Variants in STRADB observed in about 807,000 individuals in gnomAD.
STRADB encodes STE20-related kinase adapter protein beta.
A neutral mutation model predicts 52.1 loss-of-function variants in STRADB; 34 were observed. The ratio of observed to expected loss-of-function variants is 0.65; its 90% CI spans 0.50 to 0.87. The LOEUF is 0.87. STRADB is among the 40% of genes least tolerant of loss of function. The probability of loss-of-function intolerance (pLI) is 0.00; values close to 1 mark genes in which losing one functional copy is unlikely to be tolerated. For synonymous variants in STRADB, 133 were observed against 174.5 expected, an observed-to-expected ratio of 0.76 and a Z score of 1.87; for missense variants, 340 against 483.9, an observed-to-expected ratio of 0.70 and a Z score of 2.79.
intron 2 of STRADB, 103 bp from the exon 3 acceptor site, chr2:201,458,681 C>A: frequency 1.0e-6 from 1 of 962,600 alleles, no homozygotes; most frequent in African/African-American, 1.7e-5. Context: ...TGCCCTTCCT[C>A]TCTTTTCCCC....
chr2:201,474,072 AGTAGAGACGGGGTTTCACC>A (rs1007157766), intron 5 of STRADB, among the ~76,000 whole-genome samples: 1 of 151,878 alleles, frequency 6.6e-6, no homozygotes, highest in African/African-American at 2.4e-5. Flanking sequence ...TTGTATTTTT[AGTAGAGACGGGGTTTCACC>A]GTGTTAGCCA....
intron 3 of STRADB, among the ~76,000 whole-genome samples, chr2:201,468,050 G>T (rs1952330035): frequency 2.9e-5 from 3 of 103,300 alleles, no homozygotes; most frequent in East Asian, 2.6e-4. Context: ...TTTTCTAGCT[G>T]TTCAGGATGA....
At chr2:201,465,572 A>G (rs772712873) in intron 3 of STRADB, among the ~76,000 whole-genome samples, 1 of 152,236 alleles carries the variant, frequency 6.6e-6, no homozygotes, top group Non-Finnish European at 1.5e-5. Flanking sequence ...GGGTTGGAAT[A>G]GGAGTGACAG....
At chr2:201,465,418 C>T (rs1211806820) in intron 3 of STRADB, among the ~76,000 whole-genome samples, 2 of 152,110 alleles carry the variant, frequency 1.3e-5, no homozygotes, top group Non-Finnish European at 2.9e-5. Context: ...GAATGGGGGC[C>T]TCAGGACTCT....
At chr2:201,470,311 G>A (rs1952369665) in intron 4 of STRADB, among the ~76,000 whole-genome samples, 1 of 152,196 alleles carries the variant, frequency 6.6e-6, no homozygotes, top group African/African-American at 2.4e-5. Context: ...CTTATTATTT[G>A]TGTGTTTATT....
At chr2:201,475,829 T>C in intron 7 of STRADB, 87 bp downstream of exon 7, 1 of 1,393,326 alleles carries the variant, frequency 7.2e-7, no homozygotes, top group African/African-American at 1.5e-5. Context: ...AGTTGAATAT[T>C]AGAAAAAAGG....
intron 4 of STRADB, 166 bp from the exon 5 acceptor site, chr2:201,472,789 A>C (rs929529799): frequency 1.4e-5 from 8 of 561,874 alleles, no homozygotes; most frequent in African/African-American, 1.2e-4. Context: ...CTGTTTTTTA[A>C]TTGGATTGCT....
rs1480946340 is a variant in STRADB, at chr2:201,478,673, C to T, written c.1070+72C>T. The T allele has an allele frequency of 5.3e-6, 8 of 1,499,208 alleles. No homozygotes were observed. The African/African-American group carries it at 1.1e-4, about 21-fold the overall frequency. 92.9% of individuals were successfully genotyped at this position (1,499,208 alleles called of 1,614,324 possible). A position where few individuals can be genotyped will look rare whatever the true frequency, so the allele number is the denominator to read the frequency against. Reference sequence around the variant, plus strand: ...TTTTATAGAAGCTTTGTAACATTGCCCTTCCAGGAGAATACAAATCTTTTG... The same window carrying T: ...TTTTATAGAAGCTTTGTAACATTGCTCTTCCAGGAGAATACAAATCTTTTG... On this transcript the variant is annotated intron_variant, in intron 10 of 11. Transcript: ENST00000194530.
At chr2:201,475,886 G>T (rs1046744647) in intron 7 of STRADB, 144 bp downstream of exon 7, 10 of 842,310 alleles carry the variant, frequency 1.2e-5, no homozygotes, top group Non-Finnish European at 1.8e-6. Context: ...GGACCATTAG[G>T]TGCAGTGGAT....
At chr2:201,471,901 T>C (rs1406239025) in intron 4 of STRADB, among the ~76,000 whole-genome samples, 4 of 152,166 alleles carry the variant, frequency 2.6e-5, no homozygotes, top group African/African-American at 9.7e-5. Context: ...AGTCACTGCA[T>C]ACATCCAGGG....
chr2:201,464,683 C>A (rs1387319135), intron 3 of STRADB, among the ~76,000 whole-genome samples: 1 of 152,344 alleles, frequency 6.6e-6, no homozygotes, highest in East Asian at 1.9e-4. Context: ...GGGCAGTGAG[C>A]TCCCCACCTG....
intron 5 of STRADB, among the ~76,000 whole-genome samples, chr2:201,473,950 G>A (rs1952431749): frequency 6.7e-6 from 1 of 150,194 alleles, no homozygotes; most frequent in Non-Finnish European, 1.5e-5. Context: ...GAGTGCAGTG[G>A]CGCGATCTTG....
At chr2:201,473,548 A>G (rs897117308) in intron 5 of STRADB, among the ~76,000 whole-genome samples, 4 of 152,220 alleles carry the variant, frequency 2.6e-5, no homozygotes, top group Non-Finnish European at 5.9e-5. Context: ...ATTAACATGC[A>G]GTTACAGAAT....
chr2:201,454,611 CCTT>C (rs1952100048), intron 1 of STRADB, 132 bp from the exon 2 acceptor site: 1 of 395,452 alleles, frequency 2.5e-6, no homozygotes, highest in South Asian at 9.8e-5. Flanking sequence ...AGGAATGTCT[CCTT>C]GTGTCAAGGA....
chr2:201,474,431 T>G (rs1012367163), intron 5 of STRADB, among the ~76,000 whole-genome samples: 1 of 152,158 alleles, frequency 6.6e-6, no homozygotes, highest in African/African-American at 2.4e-5. Flanking sequence ...TTTGGACAGG[T>G]TTTCTAACTT....
chr2:201,477,052 GTTTTTTTT>G (rs1221462406), intron 7 of STRADB, among the ~76,000 whole-genome samples: 131 of 57,050 alleles, frequency 2.3e-3, no homozygotes, highest in Admixed American at 1.9e-3. Context: ...AATATTATCA[GTTTTTTTT>G]TTTTTTTTTT....
chr2:201,462,333 T>C (rs1236285070), intron 3 of STRADB, among the ~76,000 whole-genome samples: 1 of 152,176 alleles, frequency 6.6e-6, no homozygotes, highest in African/African-American at 2.4e-5. Flanking sequence ...CAACAGATAA[T>C]TGAATCTTTT....
Position 201,480,395 on chromosome 2 carries a change from A to G in STRADB, c.*220A>G. ...AAGGAAACATCAGAATTACTAATCT[A>G]GCTAGTGTCATTTATTCTGGAATTT... On this transcript the variant is annotated 3_prime_UTR_variant, in exon 12 of 12. Transcript: ENST00000194530. 7.7e-7 allele frequency: 1 copy of G among 1,298,622 alleles called. No individual in the cohort carries two copies. The highest frequency in any genetic ancestry group is 9.8e-7 in the Non-Finnish European group (1 of 1,025,094). The allele number at this position is 1,298,622 out of a possible 1,614,324, so 80.4% of individuals were successfully genotyped here. A position where few individuals can be genotyped will look rare whatever the true frequency, so the allele number is the denominator to read the frequency against.
chr2:201,455,661 GC>G (rs2125670905), intron 2 of STRADB, among the ~76,000 whole-genome samples: 1 of 152,024 alleles, frequency 6.6e-6, no homozygotes, highest in African/African-American at 2.4e-5. Context: ...CTGTGATCAT[GC>G]CATTGCATTC....
Sources: gnomAD v4.1 joint callset for allele counts (sites outside exome capture counted in the v4.1 genomes callset) on GRCh38, gnomAD v4.1.1 for gene constraint, MANE v1.5 for transcripts, NCBI Gene and HGNC (gene_info 2026-07-23, HGNC 2026-07-21) for gene names.